SCGB2B2: variants seen among roughly 807,000 people sequenced by gnomAD.
SCGB2B2 encodes the protein secretoglobin family 2B member 2.
In SCGB2B2, 11 loss-of-function variants were observed where a neutral mutation model predicts 7.6. The observed-to-expected ratio is 1.45, with a 90% CI of 0.91 to 2.40. SCGB2B2 has a LOEUF of 2.40. Among genes scored for constraint, SCGB2B2 ranks in the 30% most tolerant of loss-of-function variants. SCGB2B2 has a pLI of 0.00. For synonymous variants in SCGB2B2, 50 were observed against 48.6 expected (o/e 1.03, Z -0.12); for missense variants, 104 against 115.4 (o/e 0.90, Z 0.45).
intron 1 of SCGB2B2, among the ~76,000 whole-genome samples, chr19:34,664,861 C>T (rs1444731908): frequency 6.6e-6 from 1 of 152,072 alleles, no homozygotes; most frequent in Non-Finnish European, 1.5e-5. Flanking sequence ...GCTGTATCTC[C>T]CTCCCAACCA....
chr19:34,662,330 G>A lies in SCGB2B2; in HGVS notation c.-2032+13300C>T, dbSNP rs749939604. Among the ~76,000 whole-genome samples the A allele has an allele frequency of 1.1e-4, 16 of 152,136 alleles. No homozygotes were observed. The East Asian group carries it at 2.3e-3, about 22-fold the overall frequency. On this transcript the variant is annotated intron_variant, in intron 1 of 3. Coordinates refer to ENST00000601241, the MANE Select transcript of SCGB2B2 (RefSeq NM_001025591.4). Reference sequence around the variant, plus strand: ...AAGGGAGTTCTTACCCACACTTCACGTAAAAGTCCATTCCATGTACTTTAG... The same window carrying A: ...AAGGGAGTTCTTACCCACACTTCACATAAAAGTCCATTCCATGTACTTTAG...
intron 1 of SCGB2B2, among the ~76,000 whole-genome samples, chr19:34,610,308 C>G (rs1369366179): frequency 2.6e-5 from 4 of 152,078 alleles, no homozygotes; most frequent in Admixed American, 6.6e-5. Flanking sequence ...ATTTCATTCT[C>G]TTGCCTAATT....
At chr19:34,655,254 A>G (rs950615762) in intron 1 of SCGB2B2, among the ~76,000 whole-genome samples, 2 of 151,156 alleles carry the variant, frequency 1.3e-5, no homozygotes, top group Non-Finnish European at 2.9e-5. Context: ...AATTCAGGAA[A>G]AGCTGACCAA....
In SCGB2B2 at chr19:34,594,603, T is replaced by G. The variant is rs758666857; in HGVS notation, c.-40A>C. On this transcript the variant is annotated 5_prime_UTR_variant, in exon 2 of 4. Transcript: ENST00000601241. ...GTCCCAGCAGGCACAGGCAGGGAAT[T>G]TGGCGATGGGTGAGCTTTATGTATA... 3 of 1,574,106 alleles carry G rather than the reference T, an allele frequency of 1.9e-6. No homozygotes were observed. Among genetic ancestry groups the G allele is most frequent in the Non-Finnish European group, 2.6e-6 (3 of 1,145,714 alleles).
At chr19:34,615,901 A>G (rs2066063462) in intron 1 of SCGB2B2, among the ~76,000 whole-genome samples, 1 of 141,914 alleles carries the variant, frequency 7.0e-6, no homozygotes, top group Non-Finnish European at 1.5e-5. Flanking sequence ...ATGTGTTCTC[A>G]TTGTTCAATT....
chr19:34,664,488 A>G (rs1204486584), intron 1 of SCGB2B2, among the ~76,000 whole-genome samples: 1 of 152,170 alleles, frequency 6.6e-6, no homozygotes, highest in Non-Finnish European at 1.5e-5. Context: ...AGGTGGCTCA[A>G]GGCCAGGTGC....
At chr19:34,616,638 C>T (rs1477667565) in intron 1 of SCGB2B2, among the ~76,000 whole-genome samples, 1 of 134,648 alleles carries the variant, frequency 7.4e-6, no homozygotes, top group Non-Finnish European at 1.6e-5. Context: ...TGTAGGTTGC[C>T]TGTTCACTGT....
In SCGB2B2 at chr19:34,593,286, C is replaced by A. The variant is rs966622843; in HGVS notation, c.*269G>T. On this transcript the variant is annotated 3_prime_UTR_variant, in exon 4 of 4. Coordinates refer to ENST00000601241, the MANE Select transcript of SCGB2B2 (RefSeq NM_001025591.4). ...AGTGAGCCAAGATCGCGCCAATGCA[C>A]TCCAGCCACCCTCCTCCCCGCCAAA... 6 of 399,478 alleles carry A rather than the reference C, an allele frequency of 1.5e-5. No homozygotes were observed. The highest frequency in any genetic ancestry group is 1.0e-4 in the African/African-American group (5 of 49,320). The allele number at this position is 399,478 out of a possible 1,614,324, so 24.7% of individuals were successfully genotyped here.
chr19:34,632,149 A>C (rs1244670419), intron 1 of SCGB2B2: 1 of 152,228 alleles, frequency 6.6e-6, no homozygotes, highest in Non-Finnish European at 1.5e-5. Flanking sequence ...AATGGATTAT[A>C]AACCTAAAAG....
chr19:34,603,834 T>C (rs2065702134), intron 1 of SCGB2B2, among the ~76,000 whole-genome samples: 1 of 145,650 alleles, frequency 6.9e-6, no homozygotes, highest in Admixed American at 7.5e-5. Context: ...TCTCACTATA[T>C]TGCCCAGGCT....
chr19:34,587,059 T>G (rs937909491), downstream of SCGB2B2, among the ~76,000 whole-genome samples: 1 of 152,068 alleles, frequency 6.6e-6, no homozygotes, highest in Non-Finnish European at 1.5e-5. Context: ...AGGCATGTGC[T>G]ACCATGTCTG....
intron 1 of SCGB2B2, among the ~76,000 whole-genome samples, chr19:34,596,930 G>C (rs1476922864): frequency 2.6e-5 from 4 of 151,948 alleles, no homozygotes; most frequent in African/African-American, 4.8e-5. Context: ...GCTGCAAGTG[G>C]AGCCAGCTGG....
chr19:34,661,298 A>G (rs1189650014), intron 1 of SCGB2B2, among the ~76,000 whole-genome samples: 1 of 152,176 alleles, frequency 6.6e-6, no homozygotes, highest in Non-Finnish European at 1.5e-5. Flanking sequence ...TAAACGTGCA[A>G]TGACATTAAA....
chr19:34,612,018 A>ATTTTTTTTTTTTTTTTTTTTTT (rs1568431496), intron 1 of SCGB2B2, among the ~76,000 whole-genome samples: 1 of 78,612 alleles, frequency 1.3e-5, no homozygotes, highest in East Asian at 3.5e-4. Flanking sequence ...TGTTTTAGAA[A>ATTTTTTTTTTTTTTTTTTTTTT]ATTCTTTTTT....
chr19:34,602,112 T>A (rs979050365), intron 1 of SCGB2B2, among the ~76,000 whole-genome samples: 1 of 152,178 alleles, frequency 6.6e-6, no homozygotes, highest in Non-Finnish European at 1.5e-5. Flanking sequence ...TAAGGATATA[T>A]TATTTTATTT....
At chr19:34,612,727 G>A (rs1382789568) in intron 1 of SCGB2B2, among the ~76,000 whole-genome samples, 3 of 151,758 alleles carry the variant, frequency 2.0e-5, no homozygotes, top group East Asian at 1.9e-4. Flanking sequence ...CTGTGTAGAT[G>A]ACCTGTTCAC....
chr19:34,594,652 CGTGTGTGTGTGTGTGTGTGTGTGTGT>C lies in SCGB2B2; in HGVS notation c.-115_-90del, dbSNP rs3055684. On this transcript the variant is annotated 5_prime_UTR_variant, in exon 2 of 4. An upstream open reading frame in the 5' UTR loses its in-frame stop. Coordinates refer to ENST00000601241, the MANE Select transcript of SCGB2B2 (RefSeq NM_001025591.4). ...TATCTGAACAAGGCACATGCCTCTT[CGTGTGTGTGTGTGTGTGTGTGTGTGT>C]GTGTGTGTGTGTGTGTGTGTGTGTG... 3.6e-5 allele frequency: 24 copies of C among 659,338 alleles called. No individual in the cohort carries two copies. Among genetic ancestry groups the C allele is most frequent in the South Asian group, 9.9e-5 (6 of 60,582 alleles). 40.8% of individuals were successfully genotyped at this position (659,338 alleles called of 1,614,324 possible).
intron 1 of SCGB2B2, among the ~76,000 whole-genome samples, chr19:34,601,751 G>A (rs1568428994): frequency 6.6e-6 from 1 of 152,048 alleles, no homozygotes; most frequent in Non-Finnish European, 1.5e-5. Context: ...TCTATCTAAT[G>A]CCTATTTGTT....
rs144277579 is a variant in SCGB2B2 at position 34,629,957 on chromosome 19, T to A, written c.-2031-33363A>T. Reference sequence around the variant, plus strand: ...ATAACAGAACCCTCAGAAATAATGCTGCATATCTACAACTATCTGATCTTT... The same window carrying A: ...ATAACAGAACCCTCAGAAATAATGCAGCATATCTACAACTATCTGATCTTT... On this transcript the variant is annotated intron_variant, in intron 1 of 3. Transcript: ENST00000601241. 3.6e-4 allele frequency among the ~76,000 whole-genome samples: 54 copies of A among 151,952 alleles called. 1 individual carries two copies. Among genetic ancestry groups the A allele is most frequent in the Non-Finnish European group, 6.9e-4 (47 of 67,888 alleles).
Sources: allele counts gnomAD v4.1 joint callset (sites outside exome capture counted in the v4.1 genomes callset), GRCh38; gene constraint gnomAD v4.1.1; transcripts MANE v1.5; gene names NCBI Gene and HGNC (gene_info 2026-07-23, HGNC 2026-07-21).